Variants in TRMT10C observed in about 807,000 individuals in gnomAD.
TRMT10C encodes tRNA methyltransferase 10 homolog C.
In TRMT10C, 14 loss-of-function variants were observed where a neutral mutation model predicts 27.4. That is an observed-to-expected ratio of 0.51 (90% CI 0.34 to 0.80). The LOEUF is 0.80. TRMT10C is among the 30% of genes least tolerant of loss of function. The probability of loss-of-function intolerance (pLI) is 0.02; values close to 1 mark genes in which losing one functional copy is unlikely to be tolerated. For missense variants in TRMT10C, 438 were observed against 464.8 expected, an observed-to-expected ratio of 0.94 and a Z score of 0.53; for synonymous variants, 143 against 155.9, an observed-to-expected ratio of 0.92 and a Z score of 0.62.
Position 101,565,271 on chromosome 3 carries a change from A to G in TRMT10C, c.490A>G (p.Lys164Glu), listed in dbSNP as rs765145846. The G allele has an allele frequency of 1.9e-6, 3 of 1,611,896 alleles. No homozygotes were observed. The highest frequency in any genetic ancestry group is 2.5e-6 in the Non-Finnish European group (3 of 1,179,194). ...AAAREEAKNI[K>E]LLETTEEDKQ... ...AGCAAGGGAAGAAGCAAAAAATATC[A>G]AGCTGCTAGAAACCACTGAGGAAGA... The change falls in exon 2 of 2, where the codon AAG becomes GAG. Residue 164 changes from lysine to glutamate, a missense_variant. By Grantham distance (56) the Lys-to-Glu change is moderately conservative. Transcript: ENST00000309922.
In TRMT10C at chr3:101,565,735, G is replaced by A. The variant is rs753439607; in HGVS notation, c.954G>A (p.Gln318=). 1 of 1,614,108 alleles carries A rather than the reference G, an allele frequency of 6.2e-7. No individual in the cohort carries two copies. ...GGTCTTTTGTTGATAAGAGTATGCA[G>A]CCAGGCACATCCCTAGCCAAGGCAA... ...VIGSFVDKSM[Q]PGTSLAKAKR... The change falls in exon 2 of 2, where the codon CAG becomes CAA. Residue 318 remains glutamine, a synonymous_variant. Transcript: ENST00000309922.
At chr3:101,562,717 C>G (rs994673014) in intron 1 of TRMT10C, among the ~76,000 whole-genome samples, 4 of 150,280 alleles carry the variant, frequency 2.7e-5, no homozygotes, top group Non-Finnish European at 4.4e-5. Context: ...AAGCATCGAT[C>G]TAGGGTATTA....
chr3:101,565,370 C>G lies in TRMT10C; in HGVS notation c.589C>G (p.Gln197Glu), dbSNP rs1934493668. 1 of 1,614,112 alleles carries G rather than the reference C, an allele frequency of 6.2e-7. No individual in the cohort carries two copies. The highest frequency in any genetic ancestry group is 1.3e-5 in the African/African-American group (1 of 75,032). ...CATAGCAATGGGCTGGAAGGGTGCC[C>G]AGGCCATGCAGTTTGGACAACCTTT... ...MDIAMGWKGAQAMQFGQPLVF... is the reference protein window; with the variant it reads ...MDIAMGWKGAEAMQFGQPLVF... The change falls in exon 2 of 2, where the codon CAG (glutamine) becomes GAG (glutamate). Residue 197 changes from glutamine (Q) to glutamate (E), a missense_variant. By Grantham distance (29) the Gln-to-Glu change is conservative. This residue lies in a region of TRMT10C where 350 missense variants were observed against 370.5 expected (regional missense o/e 0.94). Coordinates refer to ENST00000309922, the MANE Select transcript of TRMT10C (RefSeq NM_017819.4).
In TRMT10C at chr3:101,565,536, G is replaced by C. The variant is rs1201333162; in HGVS notation, c.755G>C (p.Gly252Ala). ...TATTTCTGCAATCTAAAAATAGATG[G>C]TGCTTTGCACAGAGAGTTAGTTAAA... ...HIYFCNLKID[G>A]ALHRELVKRY... Residue 252 changes from glycine to alanine, a missense_variant, in exon 2 of 2, where the codon GGT (glycine) becomes GCT (alanine). Gly to Ala is a moderately conservative substitution (Grantham distance 60). Transcript: ENST00000309922. The C allele has an allele frequency of 5.6e-6, 9 of 1,613,536 alleles. No homozygotes were observed. The highest frequency in any genetic ancestry group is 7.6e-6 in the Non-Finnish European group (9 of 1,179,768).
chr3:101,563,896 T>C (rs1934466503), intron 1 of TRMT10C, among the ~76,000 whole-genome samples: 1 of 152,360 alleles, frequency 6.6e-6, no homozygotes, highest in East Asian at 1.9e-4. Flanking sequence ...AAATAAAGCC[T>C]GAACTGGGGA....
Position 101,564,752 on chromosome 3 carries a change from A to G in TRMT10C, c.-12-18A>G. The G allele has an allele frequency of 6.7e-7, 1 of 1,490,840 alleles. No homozygotes were observed. Among genetic ancestry groups the G allele is most frequent in the Non-Finnish European group, 9.0e-7 (1 of 1,117,226 alleles). 92.4% of individuals were successfully genotyped at this position (1,490,840 alleles called of 1,614,324 possible). On this transcript the variant is annotated intron_variant, in intron 1 of 1. Coordinates refer to ENST00000309922, the MANE Select transcript of TRMT10C (RefSeq NM_017819.4). ...AAATCTTTGTCTAATTTTTAATTGCATTTTTCTTCTTTTACAGGGGTTTTG... is the reference window on the plus strand; with the variant it reads ...AAATCTTTGTCTAATTTTTAATTGCGTTTTTCTTCTTTTACAGGGGTTTTG...
chr3:101,562,631 G>C (rs936444851), intron 1 of TRMT10C, among the ~76,000 whole-genome samples: 1 of 152,040 alleles, frequency 6.6e-6, no homozygotes, highest in East Asian at 1.9e-4. Context: ...TGGAGTGACA[G>C]AGCGAGACTC....
intron 1 of TRMT10C, among the ~76,000 whole-genome samples, chr3:101,562,325 A>G (rs928083362): frequency 6.6e-6 from 1 of 152,212 alleles, no homozygotes; most frequent in Non-Finnish European, 1.5e-5. Flanking sequence ...CCAGTTAAAT[A>G]TTTCCGGGAT....
At position 101,565,120 on chromosome 3, in the gene TRMT10C, T is replaced by C. The variant is rs1934487805; in HGVS notation, c.339T>C (p.Thr113=). Residue 113 remains threonine, a synonymous_variant, in exon 2 of 2, where the codon ACT becomes ACC. Transcript: ENST00000309922. Reference sequence around the variant, plus strand: ...GCAGAGAAGTACCAGAACACATCACTGAAGAAGAGCTCAAAACCCTTATGG... The same window carrying C: ...GCAGAGAAGTACCAGAACACATCACCGAAGAAGAGCTCAAAACCCTTATGG... The part of the protein sequence containing the change: ...LLGREVPEHI[T]EEELKTLMEC... 6.2e-7 allele frequency: 1 copy of C among 1,612,708 alleles called. No homozygotes were observed.
Position 101,565,207 on chromosome 3 carries a change from G to GAAAAAA in TRMT10C, c.427_432dup (p.Lys143_Lys144dup), listed in dbSNP as rs1934489682. 1.3e-6 allele frequency: 2 copies of GAAAAAA among 1,583,536 alleles called. No homozygotes were observed. Among genetic ancestry groups the GAAAAAA allele is most frequent in the South Asian group, 1.2e-5 (1 of 85,018 alleles). ...AATATTTATATACGAAGGAAAAAGT[G>GAAAAAA]AAAAAAGCTAGGCAAATAAAAAAGG... On this transcript the variant is annotated inframe_insertion, in exon 2 of 2. Transcript: ENST00000309922.
At position 101,565,217 on chromosome 3, in the gene TRMT10C, A is replaced by G. The variant is rs1934489765; in HGVS notation, c.436A>G (p.Arg146Gly). The G allele has an allele frequency of 6.3e-7, 1 of 1,599,016 alleles. No individual in the cohort carries two copies. The highest frequency in any genetic ancestry group is 8.5e-7 in the Non-Finnish European group (1 of 1,173,878). The change falls in exon 2 of 2, where the codon AGG becomes GGG. Residue 146 changes from arginine (R) to glycine (G), a missense_variant. Physicochemically the swap from Arg to Gly is moderately radical, Grantham distance 125. Coordinates refer to ENST00000309922, the MANE Select transcript of TRMT10C (RefSeq NM_017819.4). ...LYTKEKVKKA[R>G]QIKKEMKAAA... ...TACGAAGGAAAAAGTGAAAAAAGCTAGGCAAATAAAAAAGGAAATGAAAGC... is the reference window on the plus strand; with the variant it reads ...TACGAAGGAAAAAGTGAAAAAAGCTGGGCAAATAAAAAAGGAAATGAAAGC...
In TRMT10C at chr3:101,566,159, G is replaced by T; in HGVS notation, c.*166G>T. ...GGTAGTCTTTCCCAACTGACTGTAG[G>T]GTTGTGTCTTTTCCCAATTAAATAT... is the stretch of plus-strand genomic sequence containing the variant. On this transcript the variant is annotated 3_prime_UTR_variant, in exon 2 of 2. Coordinates refer to ENST00000309922, the MANE Select transcript of TRMT10C (RefSeq NM_017819.4). The T allele has an allele frequency of 1.4e-6, 1 of 728,592 alleles. No individual in the cohort carries two copies. The highest frequency in any genetic ancestry group is 2.2e-6 in the Non-Finnish European group (1 of 463,908). 45.1% of individuals were successfully genotyped at this position (728,592 alleles called of 1,614,324 possible).
chr3:101,565,284 C>A lies in TRMT10C; in HGVS notation c.503C>A (p.Thr168Asn), dbSNP rs190212824. ...GCAAAAAATATCAAGCTGCTAGAAA[C>A]CACTGAGGAAGATAAACAGAAAAAC... is the stretch of plus-strand genomic sequence containing the variant. ...EEAKNIKLLE[T>N]TEEDKQKNFL... Residue 168 changes from threonine (T) to asparagine (N), a missense_variant, in exon 2 of 2, where the codon ACC becomes AAC. Around this residue, in one of 3 missense-constraint regions of TRMT10C, gnomAD observed 350 missense variants for 370.5 expected, o/e 0.94. Transcript: ENST00000309922. The A allele has an allele frequency of 6.2e-7, 1 of 1,613,040 alleles. No homozygotes were observed. The highest frequency in any genetic ancestry group is 1.3e-5 in the African/African-American group (1 of 74,962).
chr3:101,565,722 ATAAGAG>A lies in TRMT10C; in HGVS notation c.944_949del (p.Lys315_Ser316del), dbSNP rs751921193. 1 of 1,614,222 alleles carries A rather than the reference ATAAGAG, an allele frequency of 6.2e-7. No individual in the cohort carries two copies. Among genetic ancestry groups the A allele is most frequent in the Non-Finnish European group, 8.5e-7 (1 of 1,180,042 alleles). ...GTTTATGTAATTGGGTCTTTTGTTG[ATAAGAG>A]TATGCAGCCAGGCACATCCCTAGCC... On this transcript the variant is annotated inframe_deletion, in exon 2 of 2. Transcript: ENST00000309922.
chr3:101,566,280 A>G lies in TRMT10C; in HGVS notation c.*287A>G, dbSNP rs1306358099. On this transcript the variant is annotated 3_prime_UTR_variant, in exon 2 of 2. Transcript: ENST00000309922. ...ACAGAATAATCTTTATCCCAGTTAA[A>G]TAGTTGTACCATTGGTAGACTTTTT... 1.1e-5 allele frequency: 3 copies of G among 268,298 alleles called. No individual in the cohort carries two copies. Among genetic ancestry groups the G allele is most frequent in the Non-Finnish European group, 2.2e-5 (3 of 133,354 alleles). 16.6% of individuals were successfully genotyped at this position (268,298 alleles called of 1,614,324 possible).
rs550723990 is a variant in TRMT10C, at chr3:101,562,462, G to T, written c.-13+459G>T. Reference sequence around the variant, plus strand: ...AGGTCAGGAGATCCGAGACCATCCTGGCTAACACAGTGAAACCCCGTCTGT... The same window carrying T: ...AGGTCAGGAGATCCGAGACCATCCTTGCTAACACAGTGAAACCCCGTCTGT... On this transcript the variant is annotated intron_variant, in intron 1 of 1. Coordinates refer to ENST00000309922, the MANE Select transcript of TRMT10C (RefSeq NM_017819.4). 2.6e-5 allele frequency among the ~76,000 whole-genome samples: 4 copies of T among 152,224 alleles called. No individual in the cohort carries two copies. In the South Asian group the frequency reaches 8.3e-4, roughly 32 times the overall value.
At position 101,564,927 on chromosome 3, in the gene TRMT10C, A is replaced by G; in HGVS notation, c.146A>G (p.Tyr49Cys). 2.5e-6 allele frequency: 4 copies of G among 1,613,986 alleles called. No homozygotes were observed. Among genetic ancestry groups the G allele is most frequent in the Non-Finnish European group, 3.4e-6 (4 of 1,179,990 alleles). ...YMSSKIPAVT[Y>C]PKNESTPPSE... ...TCTTCCAAAATACCAGCTGTTACTT[A>G]TCCTAAAAATGAGAGTACACCCCCT... The change falls in exon 2 of 2, where the codon TAT (tyrosine) becomes TGT (cysteine). Residue 49 changes from tyrosine (Y) to cysteine (C), a missense_variant. Coordinates refer to ENST00000309922, the MANE Select transcript of TRMT10C (RefSeq NM_017819.4).
rs768078048 is a variant in TRMT10C at position 101,566,029 on chromosome 3, C to T, written c.*36C>T. ...AAAGGTTCTCTGAATGTGCACAGAA[C>T]ACGTGGCTCAAATGAGAACATTTGA... is the stretch of plus-strand genomic sequence containing the variant. On this transcript the variant is annotated 3_prime_UTR_variant, in exon 2 of 2. Transcript: ENST00000309922. 50 of 1,540,602 alleles carry T rather than the reference C, an allele frequency of 3.2e-5. No homozygotes were observed. The highest frequency in any genetic ancestry group is 4.3e-5 in the Non-Finnish European group (49 of 1,146,748).
At chr3:101,562,800 A>G (rs1934443002) in intron 1 of TRMT10C, among the ~76,000 whole-genome samples, 1 of 152,108 alleles carries the variant, frequency 6.6e-6, no homozygotes, top group African/African-American at 2.4e-5. Flanking sequence ...TTATAGACAA[A>G]GTCCTTGTCC....
Sources: allele counts gnomAD v4.1 joint callset (sites outside exome capture counted in the v4.1 genomes callset), GRCh38; gene constraint gnomAD v4.1.1; regional missense constraint gnomAD v4.1.1; transcripts MANE v1.5; gene names NCBI Gene and HGNC (gene_info 2026-07-23, HGNC 2026-07-21).